PDZRN4: variants seen among roughly 807,000 people sequenced by gnomAD.
PDZRN4 encodes PDZ domain-containing RING finger protein 4.
A neutral mutation model predicts 99.0 loss-of-function variants in PDZRN4; 70 were observed. The ratio of observed to expected loss-of-function variants is 0.71; its 90% CI spans 0.58 to 0.86. The LOEUF is 0.86. Ranked by LOEUF, PDZRN4 falls within the 40% of genes least tolerant of loss-of-function variation. PDZRN4 has a pLI of 0.00. For synonymous variants in PDZRN4, 551 were observed against 501.6 expected (o/e 1.10, Z -1.32); for missense variants, 1,474 against 1,331.2 (o/e 1.11, Z -1.67).
chr12:41,309,527 G>C (rs1951592854), intron 3 of PDZRN4, among the ~76,000 whole-genome samples: 1 of 152,062 alleles, frequency 6.6e-6, no homozygotes, highest in Admixed American at 6.6e-5. Flanking sequence ...TCCCAACATT[G>C]TTGCACTGAG....
At chr12:41,487,318 C>T (rs1367057982) in intron 3 of PDZRN4, among the ~76,000 whole-genome samples, 1 of 151,976 alleles carries the variant, frequency 6.6e-6, no homozygotes, top group African/African-American at 2.4e-5. Context: ...ATCCCAGACT[C>T]AGGAAAAATA....
In PDZRN4 at chr12:41,568,812, T is replaced by TTATA. The variant is rs10670290; in HGVS notation, c.1584+924_1584+927dup. ...TCTCAACATTATTATATGTATTTTATTATATATATATATACGGAATCTTGC... is the reference window on the plus strand; with the variant it reads ...TCTCAACATTATTATATGTATTTTATTATATATATATATATATACGGAATCTTGC... On this transcript the variant is annotated intron_variant, in intron 9 of 9. Transcript: ENST00000402685. Among the ~76,000 whole-genome samples, 613 of 148,532 alleles carry TTATA rather than the reference T, an allele frequency of 4.1e-3. 3 individuals carry two copies. The highest frequency in any genetic ancestry group is 0.011 in the Middle Eastern group (3 of 276).
intron 3 of PDZRN4, among the ~76,000 whole-genome samples, chr12:41,315,438 G>A (rs1308405441): frequency 1.3e-5 from 2 of 152,178 alleles, no homozygotes; most frequent in South Asian, 4.1e-4. Flanking sequence ...CATATGAAAG[G>A]TATGAGAGCA....
chr12:41,433,589 T>A (rs949773271), intron 3 of PDZRN4, among the ~76,000 whole-genome samples: 1 of 152,148 alleles, frequency 6.6e-6, no homozygotes, highest in Non-Finnish European at 1.5e-5. Context: ...CATGTGATAG[T>A]GGCAAGGGTA....
intron 3 of PDZRN4, among the ~76,000 whole-genome samples, chr12:41,332,542 A>G (rs1565554250): frequency 6.6e-6 from 1 of 151,896 alleles, no homozygotes. Flanking sequence ...GATGGGAAAG[A>G]TCCTCTGATA....
At chr12:41,546,938 C>T (rs901184573) in intron 5 of PDZRN4, among the ~76,000 whole-genome samples, 6 of 152,054 alleles carry the variant, frequency 3.9e-5, no homozygotes, top group Non-Finnish European at 7.4e-5. Context: ...TGGAGATCTC[C>T]CAAAAACTGA....
intron 3 of PDZRN4, among the ~76,000 whole-genome samples, chr12:41,206,297 C>G (rs906734530): frequency 1.3e-5 from 2 of 151,918 alleles, no homozygotes; most frequent in African/African-American, 4.8e-5. Context: ...TTTAGATTCT[C>G]ATCAGCAGTG....
At chr12:41,257,315 C>T (rs577013333) in intron 3 of PDZRN4, among the ~76,000 whole-genome samples, 12 of 152,310 alleles carry the variant, frequency 7.9e-5, no homozygotes, top group African/African-American at 2.9e-4. Context: ...ATTGTTTCCT[C>T]ACATGGTGGA....
At chr12:41,221,778 A>C (rs1429771197) in intron 3 of PDZRN4, among the ~76,000 whole-genome samples, 2 of 152,086 alleles carry the variant, frequency 1.3e-5, no homozygotes, top group Non-Finnish European at 2.9e-5. Context: ...GTCCTCAAGA[A>C]AGTTAAGTGG....
intron 3 of PDZRN4, among the ~76,000 whole-genome samples, chr12:41,454,455 T>A (rs1952801848): frequency 6.6e-6 from 1 of 152,192 alleles, no homozygotes; most frequent in Admixed American, 6.5e-5. Context: ...AAATTCAAAA[T>A]GAAATAAATG....
chr12:41,335,088 A>C (rs1195947738), intron 3 of PDZRN4, among the ~76,000 whole-genome samples: 1 of 152,098 alleles, frequency 6.6e-6, no homozygotes, highest in Non-Finnish European at 1.5e-5. Flanking sequence ...TATTAAATAT[A>C]AAGGTATTTT....
Position 41,194,078 on chromosome 12 carries a change from T to C in PDZRN4, c.736-3T>C. On this transcript the variant is annotated splice_region_variant and splice_polypyrimidine_tract_variant and intron_variant, in intron 2 of 9. Transcript: ENST00000402685. ...TCTTCTGCTAATGATTTTTTAAAAA[T>C]AGAATAATCAGGAAGGAACATCGAC... 7.4e-7 allele frequency: 1 copy of C among 1,357,982 alleles called. No homozygotes were observed. 84.1% of individuals were successfully genotyped at this position (1,357,982 alleles called of 1,614,324 possible). A position where few individuals can be genotyped will look rare whatever the true frequency, so the allele number is the denominator to read the frequency against.
At chr12:41,215,076 G>A (rs1187764853) in intron 3 of PDZRN4, among the ~76,000 whole-genome samples, 1 of 152,070 alleles carries the variant, frequency 6.6e-6, no homozygotes, top group Non-Finnish European at 1.5e-5. Flanking sequence ...ACAGTTGCAT[G>A]GTAGGCCACT....
At chr12:41,473,890 A>G (rs555346617) in intron 3 of PDZRN4, among the ~76,000 whole-genome samples, 3 of 152,364 alleles carry the variant, frequency 2.0e-5, no homozygotes, top group African/African-American at 7.2e-5. Flanking sequence ...AATTTTTAGG[A>G]AAGTCTTTGA....
intron 3 of PDZRN4, among the ~76,000 whole-genome samples, chr12:41,434,511 G>A (rs1445886825): frequency 6.6e-6 from 1 of 152,066 alleles, no homozygotes; most frequent in Admixed American, 6.6e-5. Flanking sequence ...ATTCTATAAA[G>A]AGAAACTCCC....
chr12:41,201,248 T>C (rs1950814260), intron 3 of PDZRN4, among the ~76,000 whole-genome samples: 1 of 151,972 alleles, frequency 6.6e-6, no homozygotes, highest in African/African-American at 2.4e-5. Context: ...TATTTGTTGT[T>C]TTCTGTCTAA....
intron 3 of PDZRN4, among the ~76,000 whole-genome samples, chr12:41,256,723 C>T (rs1380704083): frequency 2.0e-5 from 3 of 152,118 alleles, no homozygotes; most frequent in Non-Finnish European, 4.4e-5. Flanking sequence ...TAAGTGTCTA[C>T]CTGGCTACCT....
chr12:41,572,724 A>G lies in PDZRN4; in HGVS notation c.1945A>G (p.Ser649Gly). ...NHGEYDLYYS[S>G]STIECNQGEQ... The stretch of plus-strand genomic sequence containing the variant: ...TGGAGAGTATGACCTGTATTACTCA[A>G]GCAGCACAATTGAATGCAATCAAGG... The change falls in exon 10 of 10, where the codon AGC (serine) becomes GGC (glycine). Residue 649 changes from serine (S) to glycine (G), a missense_variant. Ser to Gly is a moderately conservative substitution (Grantham distance 56). Transcript: ENST00000402685. The G allele has an allele frequency of 6.2e-7, 1 of 1,614,144 alleles. No homozygotes were observed. Among genetic ancestry groups the G allele is most frequent in the Non-Finnish European group, 8.5e-7 (1 of 1,179,984 alleles).
intron 3 of PDZRN4, among the ~76,000 whole-genome samples, chr12:41,206,501 A>C (rs1950851677): frequency 1.4e-5 from 2 of 147,008 alleles, no homozygotes; most frequent in South Asian, 4.1e-4. Context: ...TTAATAAATT[A>C]TTAAGCTTAA....
Sources: gnomAD v4.1 joint callset for allele counts (sites outside exome capture counted in the v4.1 genomes callset) on GRCh38, gnomAD v4.1.1 for gene constraint, MANE v1.5 for transcripts, NCBI Gene and HGNC (gene_info 2026-07-23, HGNC 2026-07-21) for gene names.